Variants in NUP214 observed in about 807,000 individuals in gnomAD.
NUP214 encodes the protein nuclear pore complex protein Nup214.
Under a neutral mutation model 196.2 loss-of-function variants are expected in NUP214, and 79 were observed. The ratio of observed to expected loss-of-function variants is 0.40; its 90% CI spans 0.34 to 0.49. The LOEUF is 0.49. Ranked by LOEUF, NUP214 falls within the 20% of genes least tolerant of loss-of-function variation. NUP214 has a pLI of 0.58. For synonymous variants in NUP214, 1,020 were observed against 990.5 expected, an observed-to-expected ratio of 1.03 and a Z score of -0.56; for missense variants, 2,468 against 2,539.0, an observed-to-expected ratio of 0.97 and a Z score of 0.60.
intron 31 of NUP214, among the ~76,000 whole-genome samples, chr9:131,218,061 A>T (rs996992320): frequency 6.6e-6 from 1 of 152,236 alleles, no homozygotes; most frequent in Non-Finnish European, 1.5e-5. Context: ...AAGTAAACAC[A>T]TAACTATTCT....
intron 32 of NUP214, among the ~76,000 whole-genome samples, chr9:131,227,821 G>A (rs925788247): frequency 9.9e-5 from 15 of 152,166 alleles, no homozygotes; most frequent in African/African-American, 2.9e-4. Flanking sequence ...GGTGCACCGA[G>A]TGGGCTCTTG....
intron 31 of NUP214, among the ~76,000 whole-genome samples, chr9:131,219,981 GT>G (rs1434501725): frequency 1.3e-5 from 2 of 152,170 alleles, no homozygotes; most frequent in Admixed American, 6.5e-5. Context: ...TTTATATTAA[GT>G]ATAATTTAAT....
intron 26 of NUP214, chr9:131,189,888 TG>T (rs1397496576): frequency 6.5e-6 from 1 of 153,110 alleles, no homozygotes; most frequent in Non-Finnish European, 1.5e-5. Flanking sequence ...TTTACAACAC[TG>T]TTGATTCTGG....
At chr9:131,203,759 A>G (rs1834002829) in intron 30 of NUP214, among the ~76,000 whole-genome samples, 1 of 152,242 alleles carries the variant, frequency 6.6e-6, no homozygotes, top group Non-Finnish European at 1.5e-5. Context: ...CCAATAAACT[A>G]ACAAGGTATT....
intron 23 of NUP214, 49 bp from the exon 24 acceptor site, chr9:131,178,262 A>G (rs1002153564): frequency 4.1e-6 from 6 of 1,460,150 alleles, no homozygotes; most frequent in African/African-American, 1.4e-5. Context: ...AGAACTTTTT[A>G]TCCTTTGCTG....
chr9:131,169,440 T>G (rs1378896382), intron 21 of NUP214, among the ~76,000 whole-genome samples: 1 of 152,022 alleles, frequency 6.6e-6, no homozygotes, highest in African/African-American at 2.4e-5. Flanking sequence ...AGCCCAAGAG[T>G]TCGAGGCCAG....
Position 131,150,705 on chromosome 9 carries a change from G to A in NUP214, c.2217G>A (p.Met739Ile). 1 of 1,614,204 alleles carries A rather than the reference G, an allele frequency of 6.2e-7. No individual in the cohort carries two copies. Among genetic ancestry groups the A allele is most frequent in the Non-Finnish European group, 8.5e-7 (1 of 1,180,028 alleles). The change falls in exon 16 of 36, where the codon ATG becomes ATA. Residue 739 changes from methionine to isoleucine, a missense_variant. By Grantham distance (10) the Met-to-Ile change is conservative. Coordinates refer to ENST00000359428, the MANE Select transcript of NUP214 (RefSeq NM_005085.4). ...TGGGCACTTCTGAGGAGATGAAGAT[G>A]CTGCGAACAGAATCAGATGACTTGC... is the stretch of plus-strand genomic sequence containing the variant. Reference protein sequence around the residue: ...FQVGTSEEMKMLRTESDDLHT... With the variant: ...FQVGTSEEMKILRTESDDLHT...
At chr9:131,187,237 A>G (rs1833475752) in intron 24 of NUP214, 52 bp from the exon 25 acceptor site, 8 of 1,516,196 alleles carry the variant, frequency 5.3e-6, no homozygotes, top group Non-Finnish European at 9.2e-7. Flanking sequence ...AATGAATGTG[A>G]TTTTTACCTA....
intron 23 of NUP214, among the ~76,000 whole-genome samples, chr9:131,176,135 TAGTG>T (rs1367498434): frequency 1.3e-5 from 2 of 151,968 alleles, no homozygotes; most frequent in African/African-American, 4.8e-5. Context: ...CTAGGCAACA[TAGTG>T]AGACCTCATC....
Position 131,222,933 on chromosome 9 carries a change from A to G in NUP214, c.5902+3A>G. 6.2e-7 allele frequency: 1 copy of G among 1,613,026 alleles called. No individual in the cohort carries two copies. Among genetic ancestry groups the G allele is most frequent in the Non-Finnish European group, 8.5e-7 (1 of 1,179,504 alleles). On this transcript the variant is annotated splice_donor_region_variant and intron_variant, in intron 32 of 35. Transcript: ENST00000359428. Reference sequence around the variant, plus strand: ...GTTTTCCTCTCCAAACAAAACAGGTACTCCTATGTCTATTTGTTATGGTTA... The same window carrying G: ...GTTTTCCTCTCCAAACAAAACAGGTGCTCCTATGTCTATTTGTTATGGTTA...
At chr9:131,126,054 C>T (rs1831337436) in intron 1 of NUP214, 1 of 417,480 alleles carries the variant, frequency 2.4e-6, no homozygotes, top group South Asian at 3.1e-5. Context: ...CTGTGGTAGT[C>T]ATCGCGGCAG....
At chr9:131,144,140 AC>A in intron 11 of NUP214, 139 bp from the exon 12 acceptor site, 1 of 680,988 alleles carries the variant, frequency 1.5e-6, no homozygotes. Flanking sequence ...TGAACTGTGT[AC>A]CCATGTGTTC....
rs371111817 is a variant in NUP214 at position 131,159,393 on chromosome 9, G to A, written c.2447G>A (p.Arg816His). The A allele has an allele frequency of 4.7e-5, 75 of 1,612,386 alleles. No individual in the cohort carries two copies. Among genetic ancestry groups the A allele is most frequent in the South Asian group, 2.2e-4 (20 of 90,612 alleles). ...KSEAQLQEIR[R>H]LHQYVKFAVQ... ...ATTTTTTTCTTATAGGAAATTCGGC[G>A]CCTTCATCAGTATGTGAAATTTGCT... Residue 816 changes from arginine to histidine, a missense_variant, in exon 18 of 36, where the codon CGC (arginine) becomes CAC (histidine). Physicochemically the swap from Arg to His is conservative, Grantham distance 29. This residue lies in a region of NUP214 where 1,801 missense variants were observed against 1,779.4 expected (regional missense o/e 1.01). Coordinates refer to ENST00000359428, the MANE Select transcript of NUP214 (RefSeq NM_005085.4).
chr9:131,229,460 T>C (rs990295301), intron 33 of NUP214: 1 of 331,482 alleles, frequency 3.0e-6, no homozygotes, highest in African/African-American at 2.2e-5. Flanking sequence ...TACCACAGAG[T>C]TGGTAGAAGG....
Position 131,144,280 on chromosome 9 carries a change from G to T in NUP214, c.1295G>T (p.Gly432Val), listed in dbSNP as rs754558565. The T allele has an allele frequency of 4.8e-5, 77 of 1,610,956 alleles. No individual in the cohort carries two copies. The highest frequency in any genetic ancestry group is 5.9e-5 in the Non-Finnish European group (69 of 1,178,230). Reference protein sequence around the residue: ...LEGERQPKSPGSTPTTPTSSQ... With the variant: ...LEGERQPKSPVSTPTTPTSSQ... ...TTCCTTCCTTTTTTTGTCACTGCAG[G>T]AAGTACTCCCACTACCCCAACCTCC... The change falls in exon 12 of 36, where the codon GGA (glycine) becomes GTA (valine). Residue 432 changes from glycine to valine, a missense_variant and splice_region_variant. Gly to Val is a moderately radical substitution (Grantham distance 109). Around this residue, in one of 5 missense-constraint regions of NUP214, gnomAD observed 1,801 missense variants for 1,779.4 expected, o/e 1.01. Coordinates refer to ENST00000359428, the MANE Select transcript of NUP214 (RefSeq NM_005085.4).
At chr9:131,151,644 G>T in intron 16 of NUP214, 92 bp from the exon 17 acceptor site, 1 of 908,876 alleles carries the variant, frequency 1.1e-6, no homozygotes, top group South Asian at 1.8e-5. Flanking sequence ...TCTGTTCAGT[G>T]AGCGTTTGAG....
intron 7 of NUP214, 115 bp from the exon 8 acceptor site, chr9:131,134,783 C>G: frequency 1.4e-6 from 1 of 694,454 alleles, no homozygotes; most frequent in Non-Finnish European, 2.4e-6. Context: ...TATATCTGGA[C>G]TTTGAGTAAA....
chr9:131,195,853 C>G (rs1833760515), intron 28 of NUP214, among the ~76,000 whole-genome samples: 1 of 152,058 alleles, frequency 6.6e-6, no homozygotes, highest in Admixed American at 6.5e-5. Flanking sequence ...TGGAGAAACC[C>G]CGTGTCTACT....
chr9:131,187,431 G>A, intron 25 of NUP214, 67 bp downstream of exon 25: 1 of 1,228,752 alleles, frequency 8.1e-7, no homozygotes, highest in South Asian at 1.3e-5. Flanking sequence ...CTGTCGCCCA[G>A]GCTCAAGTGC....
Sources: allele counts gnomAD v4.1 joint callset (sites outside exome capture counted in the v4.1 genomes callset), GRCh38; gene constraint gnomAD v4.1.1; regional missense constraint gnomAD v4.1.1; transcripts MANE v1.5; gene names NCBI Gene and HGNC (gene_info 2026-07-23, HGNC 2026-07-21).